AMPH: variants seen among roughly 807,000 people sequenced by gnomAD.
AMPH encodes the protein amphiphysin, also known as amphiphysin (Stiff-Mann syndrome with breast cancer 128kD autoantigen).
In AMPH, 49 loss-of-function variants were observed where a neutral mutation model predicts 99.1. That is an observed-to-expected ratio of 0.49 (90% CI 0.39 to 0.63). AMPH has a LOEUF of 0.63. Among genes scored for constraint, AMPH ranks in the 20% least tolerant of loss-of-function variants. The pLI, the probability that AMPH is intolerant of heterozygous loss-of-function variation, is 0.00. For missense variants in AMPH, 759 were observed against 863.4 expected, an observed-to-expected ratio of 0.88 and a Z score of 1.52; for synonymous variants, 314 against 317.3, an observed-to-expected ratio of 0.99 and a Z score of 0.11.
At chr7:38,550,474 A>G (rs548901448) in intron 1 of AMPH, among the ~76,000 whole-genome samples, 1 of 152,348 alleles carries the variant, frequency 6.6e-6, no homozygotes, top group South Asian at 2.1e-4. Context: ...TAATGATCAC[A>G]CGATACACCA....
At chr7:38,463,139 A>G (rs1787521229) in intron 9 of AMPH, 26 bp from the exon 10 acceptor site, 1 of 1,613,948 alleles carries the variant, frequency 6.2e-7, no homozygotes, top group East Asian at 2.2e-5. Context: ...GGATTGGGCA[A>G]GGGGCCTTCT....
chr7:38,432,577 G>A lies in AMPH; in HGVS notation c.1135-365C>T, dbSNP rs142787465. ...AAACTATATTTGAAACACAAATGAG[G>A]TTATTTTAATACACACACACACACA... On this transcript the variant is annotated intron_variant, in intron 12 of 20. Coordinates refer to ENST00000356264, the MANE Select transcript of AMPH (RefSeq NM_001635.4). 5.2e-3 allele frequency among the ~76,000 whole-genome samples: 679 copies of A among 130,234 alleles called. 3 individuals are homozygous for A. Among genetic ancestry groups the A allele is most frequent in the Non-Finnish European group, 7.7e-3 (478 of 62,142 alleles). The allele number at this position is 130,234 out of a possible 152,430, so 85.4% of individuals were successfully genotyped here.
intron 1 of AMPH, among the ~76,000 whole-genome samples, chr7:38,570,659 C>T (rs1791910272): frequency 6.6e-6 from 1 of 151,482 alleles, no homozygotes; most frequent in South Asian, 2.1e-4. Context: ...TTACTGGTTT[C>T]TGTATTTACT....
rs36077157 is a variant in AMPH at position 38,587,012 on chromosome 7, T to TACAC, written c.69+44267_69+44270dup. The stretch of plus-strand genomic sequence containing the variant: ...ACCCAAATATTAGGAATTGTGTAAA[T>TACAC]ACACACACACACACACACACACACA... On this transcript the variant is annotated intron_variant, in intron 1 of 20. Coordinates refer to ENST00000356264, the MANE Select transcript of AMPH (RefSeq NM_001635.4). 2.3e-3 allele frequency among the ~76,000 whole-genome samples: 348 copies of TACAC among 149,578 alleles called. 3 individuals carry two copies. The South Asian group carries it at 0.032, about 14-fold the overall frequency.
intron 16 of AMPH, chr7:38,420,832 C>A (rs1474338813): frequency 1.3e-5 from 5 of 398,910 alleles, no homozygotes; most frequent in Non-Finnish European, 2.0e-5. Context: ...AGGGTTTAAA[C>A]CTGTACTCAA....
chr7:38,624,729 A>G (rs1036857980), intron 1 of AMPH, among the ~76,000 whole-genome samples: 1 of 152,132 alleles, frequency 6.6e-6, no homozygotes, highest in Non-Finnish European at 1.5e-5. Context: ...ATTTAAATAA[A>G]AAGGCATTTC....
chr7:38,478,554 C>T (rs930696066), intron 5 of AMPH, among the ~76,000 whole-genome samples: 1 of 151,952 alleles, frequency 6.6e-6, no homozygotes, highest in African/African-American at 2.4e-5. Context: ...GGCATTCAAT[C>T]AAAAATTACA....
intron 11 of AMPH, among the ~76,000 whole-genome samples, chr7:38,457,213 A>C (rs1275110235): frequency 6.6e-6 from 1 of 152,240 alleles, no homozygotes; most frequent in Non-Finnish European, 1.5e-5. Flanking sequence ...TAAAACAGCA[A>C]GGAAATATGA....
At chr7:38,385,923 G>A (rs1226087297) in intron 20 of AMPH, among the ~76,000 whole-genome samples, 3 of 152,166 alleles carry the variant, frequency 2.0e-5, no homozygotes, top group Admixed American at 1.3e-4. Flanking sequence ...GTGCAGAAAG[G>A]AAATTCCAGT....
chr7:38,493,638 T>G (rs2129021260), intron 4 of AMPH, among the ~76,000 whole-genome samples: 1 of 152,308 alleles, frequency 6.6e-6, no homozygotes, highest in African/African-American at 2.4e-5. Flanking sequence ...GGCCAAAGCC[T>G]TCCTGAAGTC....
chr7:38,459,057 A>T (rs894902479), intron 11 of AMPH, among the ~76,000 whole-genome samples: 1 of 152,172 alleles, frequency 6.6e-6, no homozygotes, highest in African/African-American at 2.4e-5. Context: ...AACATACAAA[A>T]ATCGGTAGCA....
At chr7:38,494,548 CT>C (rs769038682) in intron 3 of AMPH, 21 bp from the exon 4 acceptor site, 1 of 1,601,060 alleles carries the variant, frequency 6.2e-7, no homozygotes, top group South Asian at 1.1e-5. Flanking sequence ...AGAGAAACAA[CT>C]CCCGTTACAC....
chr7:38,622,494 C>T (rs1794108148), intron 1 of AMPH, among the ~76,000 whole-genome samples: 1 of 151,774 alleles, frequency 6.6e-6, no homozygotes, highest in African/African-American at 2.4e-5. Flanking sequence ...AACACATCCC[C>T]TTAGATGAAC....
chr7:38,544,203 T>C lies in AMPH; in HGVS notation c.70-9192A>G, dbSNP rs977622749. Among the ~76,000 whole-genome samples, 34 of 152,184 alleles carry C rather than the reference T, an allele frequency of 2.2e-4. 1 individual carries two copies. The highest frequency in any genetic ancestry group is 6.8e-4 in the African/African-American group (28 of 41,450). ...TTTGTTAAATGGAAACTATATGACA[T>C]CATCTCCCTCCCAAAATAGGTTATT... On this transcript the variant is annotated intron_variant, in intron 1 of 20. Coordinates refer to ENST00000356264, the MANE Select transcript of AMPH (RefSeq NM_001635.4).
intron 2 of AMPH, among the ~76,000 whole-genome samples, chr7:38,511,789 G>A (rs1562799449): frequency 6.6e-6 from 1 of 152,154 alleles, no homozygotes; most frequent in East Asian, 1.9e-4. Context: ...GTCAAATAAG[G>A]CTTGGAAATT....
At chr7:38,410,710 A>C (rs1785190324) in intron 17 of AMPH, among the ~76,000 whole-genome samples, 1 of 152,252 alleles carries the variant, frequency 6.6e-6, no homozygotes, top group African/African-American at 2.4e-5. Flanking sequence ...GATTTCCCTA[A>C]GGCCACTTCA....
chr7:38,412,731 C>A (rs2128985178), intron 17 of AMPH, among the ~76,000 whole-genome samples: 1 of 152,332 alleles, frequency 6.6e-6, no homozygotes, highest in East Asian at 1.9e-4. Flanking sequence ...GTTTGTAGAT[C>A]ATCTGCCCTT....
chr7:38,612,079 G>A (rs932728056), intron 1 of AMPH, among the ~76,000 whole-genome samples: 89 of 124,422 alleles, frequency 7.2e-4, no homozygotes, highest in African/African-American at 2.7e-3. Context: ...CTGATTTTTT[G>A]TCTTCTTCTT....
intron 1 of AMPH, among the ~76,000 whole-genome samples, chr7:38,615,587 T>G (rs1405116377): frequency 6.6e-6 from 1 of 151,918 alleles, no homozygotes; most frequent in Non-Finnish European, 1.5e-5. Flanking sequence ...ATACCCCAAT[T>G]TTCTCCTCTC....
Sources: gnomAD v4.1 joint callset for allele counts (sites outside exome capture counted in the v4.1 genomes callset) on GRCh38, gnomAD v4.1.1 for gene constraint, MANE v1.5 for transcripts, NCBI Gene and HGNC (gene_info 2026-07-23, HGNC 2026-07-21) for gene names.